Variants in UTS2B observed in about 807,000 individuals in gnomAD.
UTS2B encodes the protein urotensin 2B, also known as urotensin-2B.
UTS2B carries 21 observed loss-of-function variants against 19.2 expected under a neutral mutation model. The observed-to-expected ratio is 1.09, with a 90% CI of 0.78 to 1.58. The LOEUF is 1.58. UTS2B is among the 40% of genes most tolerant of loss of function. The pLI, the probability that UTS2B is intolerant of heterozygous loss-of-function variation, is 0.00. For missense variants in UTS2B, 138 were observed against 130.3 expected, an observed-to-expected ratio of 1.06 and a Z score of -0.29; for synonymous variants, 57 against 50.2, an observed-to-expected ratio of 1.14 and a Z score of -0.58.
chr3:191,287,350 C>T (rs1716572273), intron 4 of UTS2B, among the ~76,000 whole-genome samples: 1 of 152,020 alleles, frequency 6.6e-6, no homozygotes. Context: ...CACAAAAATC[C>T]TCAGCAAAAT....
At chr3:191,334,178 TA>T (rs916948943), upstream of UTS2B, among the ~76,000 whole-genome samples, 7 of 151,636 alleles carry the variant, frequency 4.6e-5, no homozygotes, top group Non-Finnish European at 5.9e-5. Context: ...ATTTCCACAA[TA>T]AAAAAAAATT....
intron 6 of UTS2B, among the ~76,000 whole-genome samples, chr3:191,277,270 A>G (rs537731521): frequency 6.6e-6 from 1 of 152,284 alleles, no homozygotes; most frequent in East Asian, 1.9e-4. Flanking sequence ...TCCAGGTTTT[A>G]AAATTTGGGT....
At chr3:191,297,051 A>G (rs985988826) in intron 4 of UTS2B, among the ~76,000 whole-genome samples, 1 of 152,186 alleles carries the variant, frequency 6.6e-6, no homozygotes, top group Non-Finnish European at 1.5e-5. Flanking sequence ...AGAAAGAAAA[A>G]AAAACCTTTT....
At chr3:191,327,269 G>A (rs1352707921) in intron 2 of UTS2B, among the ~76,000 whole-genome samples, 1 of 152,210 alleles carries the variant, frequency 6.6e-6, no homozygotes, top group African/African-American at 2.4e-5. Flanking sequence ...GCCGAGGTGG[G>A]CGGATCACTT....
intron 4 of UTS2B, among the ~76,000 whole-genome samples, chr3:191,283,025 T>C (rs1289423729): frequency 1.3e-5 from 2 of 152,186 alleles, no homozygotes; most frequent in African/African-American, 4.8e-5. Flanking sequence ...CCTCCGATCT[T>C]GGCATTTACT....
chr3:191,342,026 T>C, the UTS2B span, among the ~76,000 whole-genome samples: 3 of 152,236 alleles, frequency 2.0e-5, no homozygotes, highest in Non-Finnish European at 4.4e-5. Flanking sequence ...TCTAGGAATG[T>C]ACCCATGATC....
the UTS2B span, among the ~76,000 whole-genome samples, chr3:191,346,126 A>G: frequency 1.3e-5 from 2 of 152,184 alleles, no homozygotes; most frequent in African/African-American, 4.8e-5. Flanking sequence ...TGTGGGCTTT[A>G]CTTTTGTTAA....
the UTS2B span, among the ~76,000 whole-genome samples, chr3:191,339,026 G>A: frequency 6.6e-6 from 1 of 152,164 alleles, no homozygotes; most frequent in East Asian, 1.9e-4. Flanking sequence ...GATAAAGGGG[G>A]GAAGGCTCTT....
chr3:191,326,770 C>T (rs1004671918), intron 2 of UTS2B, among the ~76,000 whole-genome samples: 2 of 152,236 alleles, frequency 1.3e-5, no homozygotes, highest in Non-Finnish European at 2.9e-5. Flanking sequence ...CCCCGTGTTA[C>T]TGTCAGTCCT....
chr3:191,332,161 AG>A (rs546556805), upstream of UTS2B, among the ~76,000 whole-genome samples: 1,053 of 152,324 alleles, frequency 6.9e-3, 8 homozygotes, highest in Middle Eastern at 0.017. Context: ...ATTTCAATAG[AG>A]GTCGTGGGTA....
upstream of UTS2B, among the ~76,000 whole-genome samples, chr3:191,334,302 A>G (rs561138091): frequency 3.9e-5 from 6 of 152,324 alleles, no homozygotes; most frequent in South Asian, 1.2e-3. Context: ...AGGGAAGAAA[A>G]TAGTATATTG....
chr3:191,270,633 A>G (rs1001184433), intron 8 of UTS2B, among the ~76,000 whole-genome samples: 1 of 151,884 alleles, frequency 6.6e-6, no homozygotes. Context: ...AGAATTTTCT[A>G]TTGTCAGTGG....
At chr3:191,319,452 G>C (rs762266390) in intron 2 of UTS2B, among the ~76,000 whole-genome samples, 1 of 152,068 alleles carries the variant, frequency 6.6e-6, no homozygotes, top group African/African-American at 2.4e-5. Context: ...TGTCCCTCAC[G>C]GCAAAGCAGG....
intron 4 of UTS2B, among the ~76,000 whole-genome samples, chr3:191,299,393 C>T (rs1716935508): frequency 6.6e-6 from 1 of 152,250 alleles, no homozygotes; most frequent in Non-Finnish European, 1.5e-5. Flanking sequence ...AGCCTCTGGA[C>T]ACTGCTCTTC....
At chr3:191,311,040 A>G (rs1717288801) in intron 3 of UTS2B, among the ~76,000 whole-genome samples, 1 of 152,264 alleles carries the variant, frequency 6.6e-6, no homozygotes, top group Non-Finnish European at 1.5e-5. Context: ...TCTAGATTAT[A>G]CATATCTTGG....
At chr3:191,275,425 A>C in intron 7 of UTS2B, 80 bp from the exon 8 acceptor site, 1 of 1,131,360 alleles carries the variant, frequency 8.8e-7, no homozygotes. Flanking sequence ...TTATGCCTGT[A>C]ATCCCAGCAC....
rs1300146794 is a variant in UTS2B, at chr3:191,316,152, TG to T, written c.-299del. ...CAGCTGGGAGCTCCATTATGTTGGC[TG>T]GGGTGTTTGTTTTCTTCCACATAGC... On this transcript the variant is annotated 5_prime_UTR_variant, in exon 3 of 9. An upstream open reading frame in the 5' UTR loses its in-frame stop. Coordinates refer to ENST00000340524, the MANE Select transcript of UTS2B (RefSeq NM_198152.5). 2 of 152,256 alleles carry T rather than the reference TG, an allele frequency of 1.3e-5. No individual in the cohort carries two copies. Among genetic ancestry groups the T allele is most frequent in the Non-Finnish European group, 2.9e-5 (2 of 68,080 alleles). 9.4% of individuals were successfully genotyped at this position (152,256 alleles called of 1,614,324 possible).
At chr3:191,306,847 G>A (rs1334746381) in intron 3 of UTS2B, among the ~76,000 whole-genome samples, 3 of 152,134 alleles carry the variant, frequency 2.0e-5, no homozygotes, top group African/African-American at 7.2e-5. Flanking sequence ...GGCCAGGCGG[G>A]TCTTGAACTC....
chr3:191,292,692 A>G (rs962472116), intron 4 of UTS2B, among the ~76,000 whole-genome samples: 1 of 152,190 alleles, frequency 6.6e-6, no homozygotes, highest in African/African-American at 2.4e-5. Flanking sequence ...TACAATGTTG[A>G]ATAAAAGTGG....
Sources: allele counts gnomAD v4.1 joint callset (sites outside exome capture counted in the v4.1 genomes callset), GRCh38; gene constraint gnomAD v4.1.1; transcripts MANE v1.5; gene names NCBI Gene and HGNC (gene_info 2026-07-23, HGNC 2026-07-21).